Variants in PCBP3 observed in about 807,000 individuals in gnomAD.
PCBP3 encodes poly(rC)-binding protein 3.
In PCBP3, 25 loss-of-function variants were observed where a neutral mutation model predicts 52.7. The ratio of observed to expected loss-of-function variants is 0.47; its 90% CI spans 0.35 to 0.66. PCBP3 has a LOEUF of 0.66. Among genes scored for constraint, PCBP3 ranks in the 30% least tolerant of loss-of-function variants. The pLI is 0.01. For synonymous variants in PCBP3, 162 were observed against 183.0 expected (o/e 0.89, Z 0.93); for missense variants, 391 against 490.3 (o/e 0.80, Z 1.91).
chr21:45,935,625 A>G (rs2149558823), intron 16 of PCBP3: 1 of 448,130 alleles, frequency 2.2e-6, no homozygotes, highest in South Asian at 1.9e-5. Flanking sequence ...TGCGGGCCAA[A>G]CCTTGAAGAA....
chr21:45,661,973 T>C (rs955123034), intron 1 of PCBP3, among the ~76,000 whole-genome samples: 1 of 152,202 alleles, frequency 6.6e-6, no homozygotes, highest in Non-Finnish European at 1.5e-5. Flanking sequence ...TGCTTACTTT[T>C]AATGGGGTTA....
intron 4 of PCBP3, among the ~76,000 whole-genome samples, chr21:45,758,034 G>A (rs112565371): frequency 2.8e-4 from 42 of 152,110 alleles, no homozygotes; most frequent in East Asian, 2.5e-3. Flanking sequence ...GATTACAGGC[G>A]TGCACCACCA....
intron 5 of PCBP3, among the ~76,000 whole-genome samples, chr21:45,882,893 C>A (rs1004884130): frequency 6.6e-6 from 1 of 152,218 alleles, no homozygotes; most frequent in African/African-American, 2.4e-5. Flanking sequence ...GTCGTTCTTA[C>A]ACCAGCGCCA....
At chr21:45,733,657 G>A (rs2145818397) in intron 2 of PCBP3, among the ~76,000 whole-genome samples, 1 of 152,266 alleles carries the variant, frequency 6.6e-6, no homozygotes, top group Non-Finnish European at 1.5e-5. Flanking sequence ...CTGCAGTGCA[G>A]TGGTGCGATC....
intron 5 of PCBP3, among the ~76,000 whole-genome samples, chr21:45,895,295 G>A (rs1254676043): frequency 6.6e-6 from 1 of 152,198 alleles, no homozygotes; most frequent in Non-Finnish European, 1.5e-5. Flanking sequence ...TGAACCGGTT[G>A]AATCAAAGGG....
intron 4 of PCBP3, among the ~76,000 whole-genome samples, chr21:45,770,606 A>G (rs1374964189): frequency 6.6e-6 from 1 of 152,124 alleles, no homozygotes; most frequent in East Asian, 1.9e-4. Context: ...GCATGTATGG[A>G]CATTTTCTGC....
At chr21:45,866,020 C>T (rs529130696) in intron 5 of PCBP3, among the ~76,000 whole-genome samples, 3 of 152,206 alleles carry the variant, frequency 2.0e-5, no homozygotes, top group East Asian at 1.9e-4. Flanking sequence ...CCTGTCCTGC[C>T]GCACTCCAGC....
At chr21:45,912,050 C>T (rs8131266) in intron 11 of PCBP3, among the ~76,000 whole-genome samples, 12,336 of 152,200 alleles carry the variant, frequency 0.081, 1,449 homozygotes, top group African/African-American at 0.26. Flanking sequence ...AATGGAGGGC[C>T]GAGGTCCAGC....
rs1168578240 is a variant in PCBP3 at position 45,942,224 on chromosome 21, A to ACCCATGGGGAGCT, written c.*530_*531insTCCCATGGGGAGC. The ACCCATGGGGAGCT allele has an allele frequency of 6.6e-6, 1 of 152,270 alleles. No individual in the cohort carries two copies. Among genetic ancestry groups the ACCCATGGGGAGCT allele is most frequent in the East Asian group, 1.9e-4 (1 of 5,176 alleles). The allele number at this position is 152,270 out of a possible 1,614,324, so 9.4% of individuals were successfully genotyped here. ...GGAATCGGGGGGTGGCTCTCCTGCC[A>ACCCATGGGGAGCT]CCCATGGGGAGCGCCAGGAGAGGAG... On this transcript the variant is annotated 3_prime_UTR_variant, in exon 18 of 18. Coordinates refer to ENST00000681687, the MANE Select transcript of PCBP3 (RefSeq NM_001384156.1).
intron 10 of PCBP3, 133 bp from the exon 11 acceptor site, chr21:45,910,769 A>C: frequency 1.3e-6 from 1 of 777,738 alleles, no homozygotes; most frequent in Admixed American, 2.9e-5. Flanking sequence ...GCGGTGGGGG[A>C]GGGGGCGCGT....
chr21:45,842,441 G>A (rs879791614), intron 4 of PCBP3, among the ~76,000 whole-genome samples: 8 of 151,964 alleles, frequency 5.3e-5, no homozygotes, highest in Non-Finnish European at 1.0e-4. Flanking sequence ...TATTTGTTCA[G>A]GCTTTTTTGG....
At chr21:45,855,084 G>A (rs377497468) in intron 5 of PCBP3, among the ~76,000 whole-genome samples, 7 of 152,256 alleles carry the variant, frequency 4.6e-5, no homozygotes, top group African/African-American at 1.7e-4. Context: ...ATGGCCAAGG[G>A]GGTCCGCAGG....
chr21:45,912,717 G>A (rs943935971), intron 11 of PCBP3, among the ~76,000 whole-genome samples: 2 of 152,198 alleles, frequency 1.3e-5, no homozygotes, highest in Non-Finnish European at 1.5e-5. Flanking sequence ...GCCTGGGTGG[G>A]GGTCGAGGGC....
chr21:45,649,798 T>C (rs1407250346), intron 1 of PCBP3, among the ~76,000 whole-genome samples: 1 of 152,198 alleles, frequency 6.6e-6, no homozygotes, highest in Non-Finnish European at 1.5e-5. Context: ...TTTGTTATTT[T>C]TTTTTTGGTA....
chr21:45,782,041 C>A (rs1415498376), intron 4 of PCBP3, among the ~76,000 whole-genome samples: 1 of 132,200 alleles, frequency 7.6e-6, no homozygotes, highest in East Asian at 2.8e-4. Flanking sequence ...CATTATATAT[C>A]TCAAAGCTGA....
At chr21:45,702,265 C>G (rs1202463406) in intron 2 of PCBP3, among the ~76,000 whole-genome samples, 1 of 152,144 alleles carries the variant, frequency 6.6e-6, no homozygotes, top group Non-Finnish European at 1.5e-5. Flanking sequence ...GCATGATTTT[C>G]ATAACATGCA....
Position 45,800,041 on chromosome 21 carries a change from C to T in PCBP3, c.-126+44589C>T, listed in dbSNP as rs372954376. On this transcript the variant is annotated intron_variant, in intron 4 of 17. Coordinates refer to ENST00000681687, the MANE Select transcript of PCBP3 (RefSeq NM_001384156.1). The surrounding 1 kb of genome is among the most constrained non-coding windows in gnomAD (Gnocchi z 5.3). ...GCGCCCTCTGCCCACAGCTTGTTCT[C>T]TCACTGTGAGAACCACCCAGTGATG... Among the ~76,000 whole-genome samples, 158 of 152,266 alleles carry T rather than the reference C, an allele frequency of 1.0e-3. 4 individuals carry two copies. In the South Asian group the frequency reaches 0.032, roughly 31 times the overall value.
At chr21:45,699,359 A>G (rs17004793) in intron 2 of PCBP3, among the ~76,000 whole-genome samples, 8,573 of 152,090 alleles carry the variant, frequency 0.056, 533 homozygotes, top group African/African-American at 0.14. Flanking sequence ...GACGATGGAG[A>G]TTAGAAGATA....
intron 4 of PCBP3, among the ~76,000 whole-genome samples, chr21:45,818,889 TA>T (rs1358136124): frequency 6.6e-6 from 1 of 152,220 alleles, no homozygotes; most frequent in African/African-American, 2.4e-5. Context: ...GCGTGTTACT[TA>T]GTGAAAGAGG....
Sources: gnomAD v4.1 joint callset for allele counts (sites outside exome capture counted in the v4.1 genomes callset) on GRCh38, gnomAD v4.1.1 for gene constraint, Gnocchi (gnomAD v3.1) non-coding constraint, MANE v1.5 for transcripts, NCBI Gene and HGNC (gene_info 2026-07-23, HGNC 2026-07-21) for gene names.